Variants in PTPRM observed in about 807,000 individuals in gnomAD.
PTPRM encodes the protein protein tyrosine phosphatase receptor type M.
A neutral mutation model predicts 186.7 loss-of-function variants in PTPRM; 47 were observed. That is an observed-to-expected ratio of 0.25 (90% confidence interval 0.20 to 0.32). PTPRM has a LOEUF of 0.32. PTPRM is among the 10% of genes least tolerant of loss of function. PTPRM has a pLI of 1.00. For missense variants in PTPRM, 1,494 were observed against 1,865.0 expected, an observed-to-expected ratio of 0.80 and a Z score of 3.66; for synonymous variants, 668 against 674.9, an observed-to-expected ratio of 0.99 and a Z score of 0.16.
intron 9 of PTPRM, among the ~76,000 whole-genome samples, chr18:8,077,943 T>C (rs1337613261): frequency 6.6e-6 from 1 of 152,194 alleles, no homozygotes; most frequent in Non-Finnish European, 1.5e-5. Context: ...CCCATTAGTC[T>C]CTCTGATTCT....
intron 14 of PTPRM, among the ~76,000 whole-genome samples, chr18:8,165,598 C>T (rs1485208177): frequency 6.6e-6 from 1 of 152,194 alleles, no homozygotes; most frequent in African/African-American, 2.4e-5. Context: ...ACTGGTGATG[C>T]CCAGATTCTT....
chr18:7,828,573 T>A (rs1186555962), intron 2 of PTPRM, among the ~76,000 whole-genome samples: 1 of 152,122 alleles, frequency 6.6e-6, no homozygotes, highest in South Asian at 2.1e-4. Flanking sequence ...GCTGAACCCA[T>A]ACAGGGAGGC....
chr18:8,398,070 T>C (rs1365928569), intron 32 of PTPRM, among the ~76,000 whole-genome samples: 1 of 152,168 alleles, frequency 6.6e-6, no homozygotes, highest in Non-Finnish European at 1.5e-5. Context: ...ACCCCTGGGC[T>C]CAAGCCATCC....
intron 14 of PTPRM, among the ~76,000 whole-genome samples, chr18:8,237,204 G>A (rs2094354780): frequency 6.6e-6 from 1 of 151,842 alleles, no homozygotes; most frequent in Admixed American, 6.6e-5. Flanking sequence ...CTTGTCTATA[G>A]CTATAATCAT....
intron 14 of PTPRM, among the ~76,000 whole-genome samples, chr18:8,183,440 G>A (rs2093603710): frequency 6.6e-6 from 1 of 152,234 alleles, no homozygotes; most frequent in Non-Finnish European, 1.5e-5. Flanking sequence ...CATAAAGGAA[G>A]AGAAGCTAAT....
intron 5 of PTPRM, among the ~76,000 whole-genome samples, chr18:7,942,690 G>T (rs2052264975): frequency 6.6e-6 from 1 of 152,120 alleles, no homozygotes; most frequent in Non-Finnish European, 1.5e-5. Flanking sequence ...TGATGTTGTG[G>T]TTTTCTCAGC....
chr18:8,137,481 G>A (rs1166679989), intron 13 of PTPRM, among the ~76,000 whole-genome samples: 1 of 152,204 alleles, frequency 6.6e-6, no homozygotes, highest in Non-Finnish European at 1.5e-5. Context: ...AGGCCTGGGT[G>A]GGGCAGTAGC....
rs1302122544 is a variant in PTPRM, at chr18:8,289,549, TAC to T, written c.2755-6817_2755-6816del. Among the ~76,000 whole-genome samples, 847 of 94,894 alleles carry T rather than the reference TAC, an allele frequency of 8.9e-3. 22 individuals carry two copies. The highest frequency in any genetic ancestry group is 0.028 in the African/African-American group (423 of 15,076). 62.3% of individuals were successfully genotyped at this position (94,894 alleles called of 152,430 possible). A position where few individuals can be genotyped will look rare whatever the true frequency, so the allele number is the denominator to read the frequency against. ...ACATATATATACACATATATATATA[TAC>T]ATATATATACACATATATATATATA... On this transcript the variant is annotated intron_variant, in intron 19 of 32. Coordinates refer to ENST00000580170, the MANE Select transcript of PTPRM (RefSeq NM_001105244.2).
In PTPRM at chr18:8,137,063, T is replaced by A. The variant is rs551832905; in HGVS notation, c.2168-6584T>A. 1.5e-3 allele frequency among the ~76,000 whole-genome samples: 228 copies of A among 152,354 alleles called. 1 individual carries two copies. The highest frequency in any genetic ancestry group is 5.1e-3 in the African/African-American group (212 of 41,584). On this transcript the variant is annotated intron_variant, in intron 13 of 32. Transcript: ENST00000580170. ...GGGACCAGTGCTCTTTGAAACGCAC[T>A]TGAAGGAACAATATTTTTACATATT...
At chr18:7,854,689 G>A (rs1378619309) in intron 2 of PTPRM, among the ~76,000 whole-genome samples, 1 of 151,182 alleles carries the variant, frequency 6.6e-6, no homozygotes, top group Non-Finnish European at 1.5e-5. Context: ...TGAGAGAGTG[G>A]AAGACTTAAT....
At chr18:7,639,969 T>C (rs978660162) in intron 1 of PTPRM, among the ~76,000 whole-genome samples, 1 of 152,184 alleles carries the variant, frequency 6.6e-6, no homozygotes, top group South Asian at 2.1e-4. Flanking sequence ...TTGTAACAAA[T>C]TCCAGTTTCT....
At chr18:8,092,000 G>T (rs749827461) in intron 11 of PTPRM, among the ~76,000 whole-genome samples, 2 of 152,080 alleles carry the variant, frequency 1.3e-5, no homozygotes, top group Non-Finnish European at 2.9e-5. Context: ...GCACAGTATT[G>T]TGTGTTCAAA....
chr18:7,751,681 T>C (rs2041223367), intron 1 of PTPRM, among the ~76,000 whole-genome samples: 1 of 152,206 alleles, frequency 6.6e-6, no homozygotes, highest in African/African-American at 2.4e-5. Flanking sequence ...CTGATGGTGT[T>C]GCTACATCCT....
chr18:8,399,150 A>T (rs1296930309), intron 32 of PTPRM, among the ~76,000 whole-genome samples: 1 of 152,224 alleles, frequency 6.6e-6, no homozygotes, highest in Non-Finnish European at 1.5e-5. Flanking sequence ...GCTGCTTTAT[A>T]GGCAGAAAAA....
At chr18:7,802,906 G>C (rs2145376672) in intron 2 of PTPRM, among the ~76,000 whole-genome samples, 1 of 152,248 alleles carries the variant, frequency 6.6e-6, no homozygotes, top group Admixed American at 6.5e-5. Flanking sequence ...TGGGGATATA[G>C]ACAAATAATT....
At chr18:7,613,679 A>G (rs1211798063) in intron 1 of PTPRM, among the ~76,000 whole-genome samples, 1 of 152,150 alleles carries the variant, frequency 6.6e-6, no homozygotes, top group East Asian at 1.9e-4. Context: ...TCTCAAAAAA[A>G]AAAAAAATAC....
intron 2 of PTPRM, among the ~76,000 whole-genome samples, chr18:7,786,110 A>G (rs1243859103): frequency 6.6e-6 from 1 of 152,208 alleles, no homozygotes; most frequent in African/African-American, 2.4e-5. Flanking sequence ...ACTTTAATGC[A>G]TAGTTAACTG....
chr18:7,600,861 G>A (rs1026757917), intron 1 of PTPRM, among the ~76,000 whole-genome samples: 15 of 152,314 alleles, frequency 9.8e-5, no homozygotes, highest in African/African-American at 3.4e-4. Flanking sequence ...TGTCTACCTG[G>A]GCCTCTAGGT....
At chr18:8,180,351 T>C (rs1376332020) in intron 14 of PTPRM, among the ~76,000 whole-genome samples, 1 of 152,134 alleles carries the variant, frequency 6.6e-6, no homozygotes, top group Non-Finnish European at 1.5e-5. Flanking sequence ...AAGAAAGAAT[T>C]TGACCAAGGA....
Sources: allele counts gnomAD v4.1 joint callset (sites outside exome capture counted in the v4.1 genomes callset), GRCh38; gene constraint gnomAD v4.1.1; transcripts MANE v1.5; gene names NCBI Gene and HGNC (gene_info 2026-07-23, HGNC 2026-07-21).